The following TRAPPC9 variants were observed in gnomAD, a reference collection of about 807,000 sequenced individuals.
TRAPPC9 encodes trafficking protein particle complex subunit 9, also known as IKK2 binding protein.
In TRAPPC9, 83 loss-of-function variants were observed where a neutral mutation model predicts 124.0. The observed-to-expected ratio is 0.67, with a 90% confidence interval of 0.56 to 0.80. The LOEUF (loss-of-function observed/expected upper bound fraction) is 0.80, where lower values mean the gene tolerates loss of function less well. Ranked by LOEUF, TRAPPC9 falls within the 30% of genes least tolerant of loss-of-function variation. The pLI is 0.00. For synonymous variants in TRAPPC9, 638 were observed against 617.5 expected (o/e 1.03, Z -0.49); for missense variants, 1,302 against 1,508.3 (o/e 0.86, Z 2.27).
chr8:140,207,916 C>G (rs1005985985), intron 17 of TRAPPC9, among the ~76,000 whole-genome samples: 1 of 152,186 alleles, frequency 6.6e-6, no homozygotes, highest in Non-Finnish European at 1.5e-5. Context: ...CTTTGGGAGG[C>G]CAAGGCGGGA....
At chr8:140,452,217 G>A (rs62527787) in intron 1 of TRAPPC9, among the ~76,000 whole-genome samples, 12,985 of 151,280 alleles carry the variant, frequency 0.086, 609 homozygotes, top group African/African-American at 0.11. Context: ...TCAGAAGATC[G>A]AGATCATCCT....
intron 18 of TRAPPC9, among the ~76,000 whole-genome samples, chr8:140,005,779 G>T (rs1838708243): frequency 6.6e-6 from 1 of 151,972 alleles, no homozygotes. Flanking sequence ...AGCCATGGTG[G>T]TGCACGCCTG....
At position 139,997,836 on chromosome 8, in the gene TRAPPC9, GGAGACAATGCATCCCACACAGGA is replaced by G. The variant is rs1838131057; in HGVS notation, c.2700-9023_2700-9001del. On this transcript the variant is annotated intron_variant, in intron 18 of 22. Coordinates refer to ENST00000438773, the MANE Select transcript of TRAPPC9 (RefSeq NM_001160372.4). ...CAGGGAGACAATGCATCCCACACAGGGAGACAATGCATCCCACACAGGAGAGACAATGCATCCCACACAGGGGA... is the reference window on the plus strand; with the variant it reads ...CAGGGAGACAATGCATCCCACACAGGGAGACAATGCATCCCACACAGGGGA... Among the ~76,000 whole-genome samples the G allele has an allele frequency of 9.5e-4, 138 of 145,270 alleles. 4 individuals carry two copies. Among genetic ancestry groups the G allele is most frequent in the Non-Finnish European group, 1.5e-3 (101 of 66,400 alleles).
At chr8:139,824,176 G>A (rs1055971012) in intron 21 of TRAPPC9, among the ~76,000 whole-genome samples, 1 of 152,212 alleles carries the variant, frequency 6.6e-6, no homozygotes, top group African/African-American at 2.4e-5. Flanking sequence ...TCAGGTCTTG[G>A]CCACAAGGTT....
intron 21 of TRAPPC9, among the ~76,000 whole-genome samples, chr8:139,793,064 A>G (rs1822810367): frequency 6.6e-6 from 1 of 152,148 alleles, no homozygotes; most frequent in African/African-American, 2.4e-5. Context: ...CAGGGGTCCA[A>G]GGCGGCCCAG....
chr8:139,999,345 A>G (rs1172885550), intron 18 of TRAPPC9, among the ~76,000 whole-genome samples: 1 of 152,216 alleles, frequency 6.6e-6, no homozygotes, highest in Non-Finnish European at 1.5e-5. Context: ...CTAAAGAGGG[A>G]CATTATATAA....
chr8:139,766,426 G>A (rs1820589170), intron 21 of TRAPPC9, among the ~76,000 whole-genome samples: 1 of 152,214 alleles, frequency 6.6e-6, no homozygotes, highest in African/African-American at 2.4e-5. Flanking sequence ...TCAACAGTTG[G>A]CACAGTGGCT....
intron 17 of TRAPPC9, among the ~76,000 whole-genome samples, chr8:140,142,302 C>CAAATA (rs2061395172): frequency 2.0e-5 from 3 of 152,344 alleles, no homozygotes; most frequent in Admixed American, 6.5e-5. Flanking sequence ...ATTAGAGGCA[C>CAAATA]ACAATAGACA....
intron 16 of TRAPPC9, among the ~76,000 whole-genome samples, chr8:140,230,754 C>T: frequency 6.7e-6 from 1 of 149,686 alleles, no homozygotes; most frequent in Non-Finnish European, 1.5e-5. Context: ...CCAGCCTGGG[C>T]AACAAGAGCA....
intron 21 of TRAPPC9, among the ~76,000 whole-genome samples, chr8:139,837,754 C>G (rs559896542): frequency 1.3e-5 from 2 of 152,322 alleles, no homozygotes; most frequent in South Asian, 4.1e-4. Flanking sequence ...GGCACCCAAC[C>G]CAGATGCCAG....
intron 21 of TRAPPC9, among the ~76,000 whole-genome samples, chr8:139,824,845 G>A (rs1825513230): frequency 1.3e-5 from 2 of 152,232 alleles, no homozygotes; most frequent in South Asian, 4.1e-4. Context: ...TTATAGGTGT[G>A]AGCCACTGTG....
intron 21 of TRAPPC9, among the ~76,000 whole-genome samples, chr8:139,757,839 G>A (rs920136731): frequency 2.0e-5 from 3 of 152,114 alleles, no homozygotes; most frequent in East Asian, 1.9e-4. Flanking sequence ...TGGCGGGCTC[G>A]CCTCCCTGTC....
chr8:139,964,312 G>A (rs1013724573), intron 19 of TRAPPC9, among the ~76,000 whole-genome samples: 13 of 152,038 alleles, frequency 8.6e-5, no homozygotes, highest in South Asian at 6.3e-4. Flanking sequence ...AGAATGAGGC[G>A]GGATTCTCCA....
intron 2 of TRAPPC9, among the ~76,000 whole-genome samples, chr8:140,442,789 C>T (rs563156721): frequency 1.4e-4 from 22 of 152,038 alleles, no homozygotes; most frequent in African/African-American, 5.1e-4. Context: ...TCCAAGGGAA[C>T]CTGGATAGAG....
At chr8:140,004,377 C>T (rs1466499250) in intron 18 of TRAPPC9, among the ~76,000 whole-genome samples, 1 of 152,084 alleles carries the variant, frequency 6.6e-6, no homozygotes, top group East Asian at 1.9e-4. Context: ...TAAATCAATG[C>T]AATTAAAAAA....
At chr8:139,943,697 C>T (rs1272757136) in intron 19 of TRAPPC9, among the ~76,000 whole-genome samples, 2 of 152,214 alleles carry the variant, frequency 1.3e-5, no homozygotes, top group East Asian at 3.9e-4. Flanking sequence ...GAAAACTCAG[C>T]AGACAGATAA....
At chr8:140,175,736 T>C (rs1378167404) in intron 17 of TRAPPC9, among the ~76,000 whole-genome samples, 1 of 152,228 alleles carries the variant, frequency 6.6e-6, no homozygotes, top group Non-Finnish European at 1.5e-5. Flanking sequence ...TGTGCTCCAA[T>C]GCTATACACT....
chr8:140,325,534 T>C (rs185360718), intron 9 of TRAPPC9, among the ~76,000 whole-genome samples: 60 of 152,208 alleles, frequency 3.9e-4, no homozygotes, highest in Non-Finnish European at 5.6e-4. Flanking sequence ...TGTGGTGAAA[T>C]AGACAAACTC....
At chr8:140,100,982 G>A (rs1008314448) in intron 17 of TRAPPC9, among the ~76,000 whole-genome samples, 2 of 152,210 alleles carry the variant, frequency 1.3e-5, no homozygotes, top group African/African-American at 4.8e-5. Flanking sequence ...TATATGTGAC[G>A]TACTAATTTC....
Sources: gnomAD v4.1 joint callset for allele counts (sites outside exome capture counted in the v4.1 genomes callset) on GRCh38, gnomAD v4.1.1 for gene constraint, MANE v1.5 for transcripts, NCBI Gene and HGNC (gene_info 2026-07-23, HGNC 2026-07-21) for gene names.